Variants in DCC observed in about 807,000 individuals in gnomAD.
DCC encodes the protein netrin receptor DCC.
In DCC, 58 loss-of-function variants were observed where a neutral mutation model predicts 172.5. The ratio of observed to expected loss-of-function variants is 0.34; its 90% CI spans 0.27 to 0.42. The LOEUF is 0.42. DCC is among the 10% of genes least tolerant of loss of function. DCC has a pLI of 1.00. For missense variants in DCC, 1,740 were observed against 1,791.0 expected, an observed-to-expected ratio of 0.97 and a Z score of 0.51; for synonymous variants, 709 against 644.5, an observed-to-expected ratio of 1.10 and a Z score of -1.52.
chr18:52,414,692 A>G (rs758363583), intron 1 of DCC, among the ~76,000 whole-genome samples: 27 of 152,154 alleles, frequency 1.8e-4, no homozygotes, highest in Non-Finnish European at 3.1e-4. Flanking sequence ...GAATATTTGT[A>G]TGTTGTGGTC....
intron 5 of DCC, among the ~76,000 whole-genome samples, chr18:52,969,972 A>C (rs1040271772): frequency 9.9e-5 from 15 of 152,124 alleles, no homozygotes; most frequent in African/African-American, 3.6e-4. Flanking sequence ...AGAACATTCA[A>C]AGTACAATGA....
At chr18:53,499,943 A>G (rs986625988) in intron 27 of DCC, among the ~76,000 whole-genome samples, 1 of 152,256 alleles carries the variant, frequency 6.6e-6, no homozygotes. Context: ...GTGCCTTTCA[A>G]TAGTCATTTC....
chr18:52,438,429 C>T (rs952580470), intron 1 of DCC, among the ~76,000 whole-genome samples: 2 of 152,136 alleles, frequency 1.3e-5, no homozygotes, highest in Admixed American at 6.5e-5. Flanking sequence ...TATTGACCCA[C>T]CTGGAACCAT....
At chr18:52,400,454 G>C (rs572031007) in intron 1 of DCC, among the ~76,000 whole-genome samples, 2 of 152,214 alleles carry the variant, frequency 1.3e-5, no homozygotes, top group South Asian at 2.1e-4. Flanking sequence ...ACAGATGCTG[G>C]AGAGGATGTG....
chr18:52,472,214 C>T (rs1988967024), intron 1 of DCC, among the ~76,000 whole-genome samples: 1 of 152,168 alleles, frequency 6.6e-6, no homozygotes, highest in Non-Finnish European at 1.5e-5. Flanking sequence ...CTTTTACCCT[C>T]AATAGACAAA....
At chr18:53,386,020 T>C in intron 15 of DCC, 23 bp from the exon 16 acceptor site, 1 of 1,449,958 alleles carries the variant, frequency 6.9e-7, no homozygotes. Context: ...AACACGTTCA[T>C]ATTGTTTCTG....
chr18:52,728,468 C>G (rs1031917822), intron 1 of DCC, among the ~76,000 whole-genome samples: 17 of 152,122 alleles, frequency 1.1e-4, no homozygotes, highest in Non-Finnish European at 2.2e-4. Context: ...GATTGTTATA[C>G]ATGAAAATAT....
At chr18:53,309,959 T>G (rs2057246633) in intron 13 of DCC, among the ~76,000 whole-genome samples, 1 of 108,686 alleles carries the variant, frequency 9.2e-6, no homozygotes, top group African/African-American at 3.5e-5. Context: ...TATATATACG[T>G]GTGTGTATAT....
chr18:52,601,479 T>G (rs1394115644), intron 1 of DCC, among the ~76,000 whole-genome samples: 1 of 152,090 alleles, frequency 6.6e-6, no homozygotes, highest in Non-Finnish European at 1.5e-5. Flanking sequence ...AGTTTTCCTC[T>G]ATGTATCTTG....
intron 1 of DCC, among the ~76,000 whole-genome samples, chr18:52,473,449 C>T (rs760451238): frequency 3.9e-5 from 6 of 152,194 alleles, no homozygotes; most frequent in Non-Finnish European, 8.8e-5. Context: ...CTAATAAAAA[C>T]ATACCAGAGA....
chr18:53,187,705 C>T (rs2055304389), intron 9 of DCC, among the ~76,000 whole-genome samples: 4 of 152,212 alleles, frequency 2.6e-5, no homozygotes, highest in Admixed American at 2.0e-4. Flanking sequence ...AATAATATGA[C>T]TTTAGCTATT....
intron 1 of DCC, among the ~76,000 whole-genome samples, chr18:52,683,857 T>C (rs562852354): frequency 2.6e-5 from 4 of 152,250 alleles, no homozygotes; most frequent in African/African-American, 9.6e-5. Flanking sequence ...ACGTATGTAC[T>C]GTTGGTAAAA....
chr18:53,462,152 C>CT (rs1251240285), intron 24 of DCC, among the ~76,000 whole-genome samples: 1 of 152,146 alleles, frequency 6.6e-6, no homozygotes, highest in African/African-American at 2.4e-5. Context: ...TTCTGGGTCT[C>CT]TTATGAAACA....
Position 52,787,809 on chromosome 18 carries a change from A to G in DCC, c.412+35435A>G, listed in dbSNP as rs2037687171. Among the ~76,000 whole-genome samples, 3 of 152,242 alleles carry G rather than the reference A, an allele frequency of 2.0e-5. 1 individual carries two copies. Among genetic ancestry groups the G allele is most frequent in the South Asian group, 4.1e-4 (2 of 4,826 alleles). On this transcript the variant is annotated intron_variant, in intron 2 of 28. Coordinates refer to ENST00000442544, the MANE Select transcript of DCC (RefSeq NM_005215.4). ...ATAAATTATTTATTTTGCCAAAATG[A>G]TGACTCAAAAAGCAAAAATCTTTTA...
intron 1 of DCC, among the ~76,000 whole-genome samples, chr18:52,521,731 A>G (rs2031824746): frequency 6.6e-6 from 1 of 152,140 alleles, no homozygotes; most frequent in Admixed American, 6.5e-5. Context: ...CTAAACTGGA[A>G]AAGGTGAATG....
At chr18:53,127,090 C>G (rs2043568920) in intron 7 of DCC, among the ~76,000 whole-genome samples, 1 of 149,570 alleles carries the variant, frequency 6.7e-6, no homozygotes, top group Non-Finnish European at 1.5e-5. Flanking sequence ...AGGATTTACT[C>G]AAATAAGTGA....
At chr18:53,369,408 TAA>T (rs2058038149) in intron 15 of DCC, among the ~76,000 whole-genome samples, 1 of 151,940 alleles carries the variant, frequency 6.6e-6, no homozygotes, top group Admixed American at 6.6e-5. Flanking sequence ...TTTATATGCA[TAA>T]GACTTTATCA....
chr18:52,854,240 T>C (rs1268425940), intron 2 of DCC, among the ~76,000 whole-genome samples: 1 of 152,200 alleles, frequency 6.6e-6, no homozygotes, highest in Non-Finnish European at 1.5e-5. Flanking sequence ...AGGCAAAGTA[T>C]AACCTCTCAT....
In DCC at chr18:52,377,635, AT is replaced by A. The variant is rs5824932; in HGVS notation, c.91+36766del. Among the ~76,000 whole-genome samples the A allele has an allele frequency of 6.7e-3, 1,002 of 148,644 alleles. 15 individuals carry two copies. Among genetic ancestry groups the A allele is most frequent in the African/African-American group, 0.022 (890 of 40,250 alleles). ...TTGCCACCCATTGCAACAATTATGC[AT>A]TTTTTTTTATAGGAACTGCAAAAAT... On this transcript the variant is annotated intron_variant, in intron 1 of 28. Transcript: ENST00000442544.
Sources: gnomAD v4.1 joint callset for allele counts (sites outside exome capture counted in the v4.1 genomes callset) on GRCh38, gnomAD v4.1.1 for gene constraint, MANE v1.5 for transcripts, NCBI Gene and HGNC (gene_info 2026-07-23, HGNC 2026-07-21) for gene names.